Variants in AGBL1 observed in about 807,000 individuals in gnomAD.
AGBL1 encodes AGBL carboxypeptidase 1.
Under a neutral mutation model 118.9 loss-of-function variants are expected in AGBL1, and 130 were observed. The ratio of observed to expected loss-of-function variants is 1.09; its 90% CI spans 0.95 to 1.26. The LOEUF (loss-of-function observed/expected upper bound fraction) is 1.26, where lower values mean the gene tolerates loss of function less well. Ranked by LOEUF, AGBL1 falls within the 50% of genes most tolerant of loss-of-function variation. The pLI, the probability that AGBL1 is intolerant of heterozygous loss-of-function variation, is 0.00. For missense variants in AGBL1, 1,584 were observed against 1,298.1 expected, an observed-to-expected ratio of 1.22 and a Z score of -3.38; for synonymous variants, 555 against 478.9, an observed-to-expected ratio of 1.16 and a Z score of -2.08.
chr15:86,932,401 T>C (rs1274845478), intron 23 of AGBL1, among the ~76,000 whole-genome samples: 1 of 152,250 alleles, frequency 6.6e-6, no homozygotes, highest in African/African-American at 2.4e-5. Context: ...GTTCAGATCT[T>C]TCAGGTTCTA....
chr15:86,458,852 A>G (rs1209155401), intron 18 of AGBL1, among the ~76,000 whole-genome samples: 4 of 152,190 alleles, frequency 2.6e-5, no homozygotes, highest in Non-Finnish European at 5.9e-5. Context: ...CTAAGAAAAT[A>G]GAACGGAAAT....
At chr15:86,506,802 A>G (rs1203184708) in intron 18 of AGBL1, among the ~76,000 whole-genome samples, 1 of 152,066 alleles carries the variant, frequency 6.6e-6, no homozygotes, top group East Asian at 1.9e-4. Flanking sequence ...GAATAAATAA[A>G]TGTGTACATT....
chr15:86,191,855 T>A (rs1423758075), intron 5 of AGBL1, among the ~76,000 whole-genome samples: 1 of 151,092 alleles, frequency 6.6e-6, no homozygotes, highest in African/African-American at 2.4e-5. Flanking sequence ...GCAGGAAGAT[T>A]GAGGCCAGGA....
chr15:86,941,145 C>T (rs889216894), intron 23 of AGBL1, among the ~76,000 whole-genome samples: 11 of 152,190 alleles, frequency 7.2e-5, no homozygotes, highest in African/African-American at 2.7e-4. Context: ...AATCTACTTG[C>T]AAAGGAGACT....
chr15:86,407,699 C>T (rs1198813415), intron 18 of AGBL1, among the ~76,000 whole-genome samples: 2 of 152,144 alleles, frequency 1.3e-5, no homozygotes, highest in Non-Finnish European at 2.9e-5. Flanking sequence ...TCATCATTTA[C>T]TGTCTTGAAA....
At chr15:86,146,215 C>T (rs952789594) in intron 3 of AGBL1, among the ~76,000 whole-genome samples, 2 of 152,146 alleles carry the variant, frequency 1.3e-5, no homozygotes, top group African/African-American at 4.8e-5. Context: ...TTCAGTTAAC[C>T]TTGGATTGAA....
chr15:86,710,213 A>G (rs1476852329), intron 22 of AGBL1, among the ~76,000 whole-genome samples: 1 of 152,180 alleles, frequency 6.6e-6, no homozygotes, highest in Non-Finnish European at 1.5e-5. Flanking sequence ...CAGATGCATT[A>G]CAATGCTTTG....
At chr15:86,536,594 C>G (rs905275567) in intron 19 of AGBL1, among the ~76,000 whole-genome samples, 6 of 152,176 alleles carry the variant, frequency 3.9e-5, no homozygotes, top group Non-Finnish European at 7.3e-5. Flanking sequence ...CAGGCATGAG[C>G]CACTGTGCCT....
At chr15:86,451,520 G>A (rs1229064901) in intron 18 of AGBL1, among the ~76,000 whole-genome samples, 3 of 152,160 alleles carry the variant, frequency 2.0e-5, no homozygotes, top group African/African-American at 7.2e-5. Context: ...TGGTCACGTG[G>A]CCAAACTTTG....
chr15:86,558,933 C>G (rs1444128758), intron 21 of AGBL1, among the ~76,000 whole-genome samples: 1 of 152,200 alleles, frequency 6.6e-6, no homozygotes, highest in Non-Finnish European at 1.5e-5. Context: ...TGTTCTCTCA[C>G]AGATCTGGAA....
chr15:86,774,300 A>G (rs1014799504), intron 22 of AGBL1, among the ~76,000 whole-genome samples: 1 of 152,182 alleles, frequency 6.6e-6, no homozygotes, highest in African/African-American at 2.4e-5. Flanking sequence ...TGGCTTTTAC[A>G]TCTGGCATAT....
At chr15:86,918,936 G>A (rs2080457078), downstream of AGBL1, among the ~76,000 whole-genome samples, 1 of 152,158 alleles carries the variant, frequency 6.6e-6, no homozygotes, top group South Asian at 2.1e-4. Flanking sequence ...TGATTCTTCT[G>A]GGTCTCTGTC....
At chr15:86,929,287 G>T (rs1227020926) in intron 23 of AGBL1, among the ~76,000 whole-genome samples, 2 of 152,166 alleles carry the variant, frequency 1.3e-5, no homozygotes, top group African/African-American at 4.8e-5. Context: ...AAGATTGAAG[G>T]TTGAGATACC....
intron 17 of AGBL1, among the ~76,000 whole-genome samples, chr15:86,359,557 AT>A (rs146375579): frequency 0.043 from 6,329 of 148,486 alleles, 267 homozygotes; most frequent in East Asian, 0.21. Flanking sequence ...TTTTAGGACA[AT>A]TTTTTTTTTC....
At chr15:86,457,951 T>C (rs11634218) in intron 18 of AGBL1, among the ~76,000 whole-genome samples, 51,375 of 152,066 alleles carry the variant, frequency 0.34, 10,380 homozygotes, top group Non-Finnish European at 0.46. Flanking sequence ...CTTTCGATCA[T>C]AGGGGTAGTC....
chr15:86,990,119 G>A (rs1472598602), intron 24 of AGBL1, among the ~76,000 whole-genome samples: 2 of 152,148 alleles, frequency 1.3e-5, no homozygotes, highest in African/African-American at 2.4e-5. Context: ...GCTTATTTGT[G>A]GAAGATAGAA....
intron 17 of AGBL1, among the ~76,000 whole-genome samples, chr15:86,332,289 A>G (rs1237439321): frequency 1.3e-5 from 2 of 152,208 alleles, no homozygotes; most frequent in Non-Finnish European, 2.9e-5. Context: ...TTAGATGTCT[A>G]CACAATAATA....
At chr15:86,219,178 C>T (rs917537305) in intron 5 of AGBL1, among the ~76,000 whole-genome samples, 1 of 152,158 alleles carries the variant, frequency 6.6e-6, no homozygotes, top group Admixed American at 6.5e-5. Flanking sequence ...TGAATGATGA[C>T]CCTGCAGGCT....
chr15:86,227,279 T>G (rs1265503928), intron 6 of AGBL1, among the ~76,000 whole-genome samples: 2 of 152,276 alleles, frequency 1.3e-5, no homozygotes, highest in Admixed American at 6.5e-5. Flanking sequence ...GGAGGATGTA[T>G]AGCCTATTTG....
Sources: gnomAD v4.1 joint callset for allele counts (sites outside exome capture counted in the v4.1 genomes callset) on GRCh38, gnomAD v4.1.1 for gene constraint, MANE v1.5 for transcripts, NCBI Gene and HGNC (gene_info 2026-07-23, HGNC 2026-07-21) for gene names.